The following BNC2 variants were observed in gnomAD, a reference collection of about 807,000 sequenced individuals.
The protein encoded by BNC2 is basonuclin zinc finger protein 2.
BNC2 carries 20 observed loss-of-function variants against 76.3 expected under a neutral mutation model. The ratio of observed to expected loss-of-function variants is 0.26; its 90% CI spans 0.18 to 0.38. The LOEUF (loss-of-function observed/expected upper bound fraction) is 0.38, where lower values mean the gene tolerates loss of function less well. Ranked by LOEUF, BNC2 falls within the 10% of genes least tolerant of loss-of-function variation. The pLI, the probability that BNC2 is intolerant of heterozygous loss-of-function variation, is 1.00. For synonymous variants in BNC2, 582 were observed against 514.8 expected, an observed-to-expected ratio of 1.13 and a Z score of -1.77; for missense variants, 1,382 against 1,399.8, an observed-to-expected ratio of 0.99 and a Z score of 0.20.
rs1820467807 is a variant in BNC2 at position 16,411,844 on chromosome 9, T to C, written c.*7145A>G. 6.6e-6 allele frequency: 1 copy of C among 152,264 alleles called. No individual in the cohort carries two copies. Among genetic ancestry groups the C allele is most frequent in the African/African-American group, 2.4e-5 (1 of 41,456 alleles). 9.4% of individuals were successfully genotyped at this position (152,264 alleles called of 1,614,324 possible). On this transcript the variant is annotated 3_prime_UTR_variant, in exon 7 of 7. Coordinates refer to ENST00000380672, the MANE Select transcript of BNC2 (RefSeq NM_017637.6). ...AATATCTTACTGAAATGTGACTGTT[T>C]GTAATGGGGCCAACTATCTTCTCTG...
At position 16,436,638 on chromosome 9, in the gene BNC2, G is replaced by C. The variant is rs1445959590; in HGVS notation, c.1556C>G (p.Thr519Ser). ...DLIRATSGAA[T>S]PVIASTKSNL... Reference sequence around the variant, plus strand: ...TGATTTTGTACTTGCTATGACAGGGGTGGCAGCTCCTGAGGTGGCCCGAAT... The same window carrying C: ...TGATTTTGTACTTGCTATGACAGGGCTGGCAGCTCCTGAGGTGGCCCGAAT... The change falls in exon 6 of 7, where the codon ACC becomes AGC. Residue 519 changes from threonine to serine, a missense_variant. This residue lies in a region of BNC2 where 798 missense variants were observed against 775.5 expected (regional missense o/e 1.03). Transcript: ENST00000380672. The C allele has an allele frequency of 1.2e-6, 2 of 1,614,010 alleles. No homozygotes were observed. Among genetic ancestry groups the C allele is most frequent in the Non-Finnish European group, 1.7e-6 (2 of 1,180,028 alleles).
chr9:16,542,002 G>GA (rs891586285), intron 5 of BNC2, among the ~76,000 whole-genome samples: 23 of 148,156 alleles, frequency 1.6e-4, no homozygotes, highest in East Asian at 7.9e-4. Flanking sequence ...AATCAAGAAA[G>GA]AAAAAAAAAT....
chr9:16,729,095 G>C (rs1824435248), intron 2 of BNC2, among the ~76,000 whole-genome samples: 1 of 152,070 alleles, frequency 6.6e-6, no homozygotes. Flanking sequence ...ATACACCCTT[G>C]ATAACATGTC....
At chr9:16,531,271 G>C (rs1817966151) in intron 5 of BNC2, among the ~76,000 whole-genome samples, 1 of 152,114 alleles carries the variant, frequency 6.6e-6, no homozygotes. Context: ...TGTGAGTTCA[G>C]TGGTTAGGCT....
intron 5 of BNC2, among the ~76,000 whole-genome samples, chr9:16,472,814 T>C (rs1201935028): frequency 1.3e-5 from 2 of 152,204 alleles, no homozygotes; most frequent in East Asian, 3.9e-4. Context: ...GGGTGAAATA[T>C]AAAAAATTAA....
At position 16,413,524 on chromosome 9, in the gene BNC2, C is replaced by T. The variant is rs534748086; in HGVS notation, c.*5465G>A. 1 of 152,224 alleles carries T rather than the reference C, an allele frequency of 6.6e-6. No homozygotes were observed. The highest frequency in any genetic ancestry group is 1.9e-4 in the East Asian group (1 of 5,176). The allele number at this position is 152,224 out of a possible 1,614,324, so 9.4% of individuals were successfully genotyped here. On this transcript the variant is annotated 3_prime_UTR_variant, in exon 7 of 7. Transcript: ENST00000380672. ...TTATTGCCGAATGAGCACAGAAAAT[C>T]ATTTTGCGCAAGATGTGGGAAGGAT... is the stretch of plus-strand genomic sequence containing the variant.
intron 3 of BNC2, among the ~76,000 whole-genome samples, chr9:16,686,647 A>G (rs1308467006): frequency 6.6e-6 from 1 of 152,046 alleles, no homozygotes; most frequent in Non-Finnish European, 1.5e-5. Context: ...GTGCTAATCA[A>G]TTTGCTTTGT....
intron 3 of BNC2, among the ~76,000 whole-genome samples, chr9:16,717,065 T>C (rs1156564540): frequency 1.3e-5 from 2 of 152,220 alleles, no homozygotes; most frequent in Non-Finnish European, 2.9e-5. Context: ...TGAATGACAG[T>C]GTATTTCTTA....
At position 16,436,379 on chromosome 9, in the gene BNC2, G is replaced by A; in HGVS notation, c.1815C>T (p.Pro605=). The A allele has an allele frequency of 6.2e-7, 1 of 1,614,180 alleles. No homozygotes were observed. Among genetic ancestry groups the A allele is most frequent in the Non-Finnish European group, 8.5e-7 (1 of 1,180,044 alleles). Residue 605 remains proline, a synonymous_variant, in exon 6 of 7, where the codon CCC becomes CCT. Transcript: ENST00000380672. Reference sequence around the variant, plus strand: ...GCACTACTGGCTCAGAGGGTGGCGGGGGGTGCTGCTCTATGGTACCACTGG... The same window carrying A: ...GCACTACTGGCTCAGAGGGTGGCGGAGGGTGCTGCTCTATGGTACCACTGG... The part of the protein sequence containing the change: ...IPTSGTIEQH[P]PPPSEPVVPA...
At chr9:16,832,127 T>G (rs1818589961) in intron 1 of BNC2, 1 of 289,062 alleles carries the variant, frequency 3.5e-6, no homozygotes, top group South Asian at 4.0e-5. Context: ...CAATGCAGCT[T>G]CCTGGATGTA....
At chr9:16,853,268 G>T (rs1383151736) in intron 1 of BNC2, among the ~76,000 whole-genome samples, 1 of 131,648 alleles carries the variant, frequency 7.6e-6, no homozygotes, top group African/African-American at 2.9e-5. Flanking sequence ...AAACTAGCTG[G>T]CCGTGGTGGC....
chr9:16,678,280 T>C lies in BNC2; in HGVS notation c.330+49517A>G, dbSNP rs1373220389. On this transcript the variant is annotated intron_variant, in intron 3 of 6. Transcript: ENST00000380672. ...TTCTTTCTTTTTCTTTTTTTTTTTT[T>C]TTTTTTTTTTTTTTTTGAGACAGAG... Among the ~76,000 whole-genome samples, 7 of 128,410 alleles carry C rather than the reference T, an allele frequency of 5.5e-5. No individual in the cohort carries two copies. The East Asian group carries it at 7.1e-4, about 13-fold the overall frequency. The allele number at this position is 128,410 out of a possible 152,430, so 84.2% of individuals were successfully genotyped here. A position where few individuals can be genotyped will look rare whatever the true frequency, so the allele number is the denominator to read the frequency against.
chr9:16,443,784 G>A (rs1258508091), intron 5 of BNC2, among the ~76,000 whole-genome samples: 1 of 152,104 alleles, frequency 6.6e-6, no homozygotes, highest in Non-Finnish European at 1.5e-5. Flanking sequence ...ATGAAATTCT[G>A]GAAAAGGTAA....
chr9:16,559,480 C>G (rs1471790516), intron 4 of BNC2, among the ~76,000 whole-genome samples: 1 of 152,156 alleles, frequency 6.6e-6, no homozygotes, highest in African/African-American at 2.4e-5. Context: ...ATTATAGGCT[C>G]AATCAGGTTA....
intron 5 of BNC2, among the ~76,000 whole-genome samples, chr9:16,512,867 G>A (rs1314573443): frequency 1.3e-5 from 2 of 151,892 alleles, no homozygotes; most frequent in African/African-American, 4.8e-5. Flanking sequence ...TGGGCGTGGT[G>A]GCTCATGCCT....
chr9:16,777,596 G>C (rs773340010), intron 1 of BNC2, among the ~76,000 whole-genome samples: 7 of 151,498 alleles, frequency 4.6e-5, no homozygotes, highest in Admixed American at 2.0e-4. Context: ...AGCTACTCGG[G>C]AGGCTGAGGC....
intron 3 of BNC2, among the ~76,000 whole-genome samples, chr9:16,635,939 G>A (rs548007064): frequency 2.7e-4 from 41 of 152,282 alleles, no homozygotes; most frequent in Non-Finnish European, 5.7e-4. Flanking sequence ...TTCCCAAAAA[G>A]TAAGGGAATG....
chr9:16,548,377 C>T (rs1818553129), intron 5 of BNC2, among the ~76,000 whole-genome samples: 1 of 151,614 alleles, frequency 6.6e-6, no homozygotes, highest in Non-Finnish European at 1.5e-5. Context: ...CAGACCTGAA[C>T]TAAGAATTCT....
rs1441322653 is a variant in BNC2, at chr9:16,542,176, T to C, written c.669+10354A>G. Among the ~76,000 whole-genome samples the C allele has an allele frequency of 2.6e-5, 4 of 152,178 alleles. No homozygotes were observed. The South Asian group carries it at 6.2e-4, about 24-fold the overall frequency. ...ACACATTTCCTTACAGAGAGAACCT[T>C]TGGTTCTCAAAGTCTTTGAAAAATG... On this transcript the variant is annotated intron_variant, in intron 5 of 6. Coordinates refer to ENST00000380672, the MANE Select transcript of BNC2 (RefSeq NM_017637.6).
Sources: allele counts gnomAD v4.1 joint callset (sites outside exome capture counted in the v4.1 genomes callset), GRCh38; gene constraint gnomAD v4.1.1; regional missense constraint gnomAD v4.1.1; transcripts MANE v1.5; gene names NCBI Gene and HGNC (gene_info 2026-07-23, HGNC 2026-07-21).